The following CRABP1 variants were observed in gnomAD, a reference collection of about 807,000 sequenced individuals.
CRABP1 encodes the protein cellular retinoic acid-binding protein 1.
Under a neutral mutation model 16.4 loss-of-function variants are expected in CRABP1, and 9 were observed. That is an observed-to-expected ratio of 0.55 (90% CI 0.33 to 0.96). The LOEUF (loss-of-function observed/expected upper bound fraction) is 0.96, where lower values mean the gene tolerates loss of function less well. CRABP1 is among the 40% of genes least tolerant of loss of function. The probability of loss-of-function intolerance (pLI) is 0.03; values close to 1 mark genes in which losing one functional copy is unlikely to be tolerated. For synonymous variants in CRABP1, 72 were observed against 70.4 expected (o/e 1.02, Z -0.11); for missense variants, 157 against 186.0 (o/e 0.84, Z 0.91).
intron 3 of CRABP1, among the ~76,000 whole-genome samples, chr15:78,346,997 T>TG (rs1002003440): frequency 4.6e-5 from 7 of 151,084 alleles, no homozygotes; most frequent in African/African-American, 1.7e-4. Flanking sequence ...GTTTTTGTTT[T>TG]TTTTTTTTTT....
chr15:78,341,033 C>T lies in CRABP1; in HGVS notation c.71-10C>T, dbSNP rs1241097962. On this transcript the variant is annotated splice_polypyrimidine_tract_variant and intron_variant, in intron 1 of 3. Coordinates refer to ENST00000299529, the MANE Select transcript of CRABP1 (RefSeq NM_004378.3). This position sits in a 1 kb window ranked among gnomAD's most constrained non-coding sequence, Gnocchi z 5.3. ...CCCCGTGACCCAAGCCTGTGGTGCA[C>T]CCTGCGCAGGTGTGAACGCCATGCT... 7.5e-6 allele frequency: 12 copies of T among 1,603,398 alleles called. No homozygotes were observed. The highest frequency in any genetic ancestry group is 9.3e-6 in the Non-Finnish European group (11 of 1,178,118).
chr15:78,340,722 G>A (rs2050228206), intron 1 of CRABP1: 5 of 611,186 alleles, frequency 8.2e-6, no homozygotes, highest in Non-Finnish European at 5.7e-6. Context: ...AATGTTTGGC[G>A]CCCTCCTCGA....
chr15:78,348,068 TC>T lies in CRABP1; in HGVS notation c.*95del. The stretch of plus-strand genomic sequence containing the variant: ...CTGAGCTGCCAGTGGACCGCCCTTT[TC>T]CCCTACCAATATTAGGTGATCCCGT... On this transcript the variant is annotated 3_prime_UTR_variant, in exon 4 of 4. Coordinates refer to ENST00000299529, the MANE Select transcript of CRABP1 (RefSeq NM_004378.3). The T allele has an allele frequency of 1.6e-6, 2 of 1,229,576 alleles. No individual in the cohort carries two copies. The highest frequency in any genetic ancestry group is 2.3e-5 in the East Asian group (1 of 42,910). 76.2% of individuals were successfully genotyped at this position (1,229,576 alleles called of 1,614,324 possible). A position where few individuals can be genotyped will look rare whatever the true frequency, so the allele number is the denominator to read the frequency against.
Position 78,343,615 on chromosome 15 carries a change from A to T in CRABP1, c.363+3A>T. The T allele has an allele frequency of 6.2e-7, 1 of 1,613,496 alleles. No individual in the cohort carries two copies. Among genetic ancestry groups the T allele is most frequent in the Non-Finnish European group, 8.5e-7 (1 of 1,179,496 alleles). On this transcript the variant is annotated splice_donor_region_variant and intron_variant, in intron 3 of 3. Coordinates refer to ENST00000299529, the MANE Select transcript of CRABP1 (RefSeq NM_004378.3). Reference sequence around the variant, plus strand: ...TGGCCAACGATGAACTTATCCTGGTAGGGAACCCTTGACCCTGAAATAATC... The same window carrying T: ...TGGCCAACGATGAACTTATCCTGGTTGGGAACCCTTGACCCTGAAATAATC...
Position 78,347,989 on chromosome 15 carries a change from T to A in CRABP1, c.*12T>A, listed in dbSNP as rs573502054. On this transcript the variant is annotated 3_prime_UTR_variant, in exon 4 of 4. Coordinates refer to ENST00000299529, the MANE Select transcript of CRABP1 (RefSeq NM_004378.3). The stretch of plus-strand genomic sequence containing the variant: ...ATGTCCGAGAGTGAAGGCAGCTGGC[T>A]TGCTCCTACTTTCAGGAAGGGATGC... 6.2e-6 allele frequency: 10 copies of A among 1,613,830 alleles called. No homozygotes were observed. The East Asian group carries it at 2.0e-4, about 32-fold the overall frequency.
At chr15:78,343,052 T>G (rs1277292152) in intron 2 of CRABP1, among the ~76,000 whole-genome samples, 1 of 151,714 alleles carries the variant, frequency 6.6e-6, no homozygotes, top group Non-Finnish European at 1.5e-5. Flanking sequence ...GAGGTGGAGG[T>G]TGTAAGGAGC....
At chr15:78,344,184 G>C (rs2050251774) in intron 3 of CRABP1, among the ~76,000 whole-genome samples, 2 of 152,124 alleles carry the variant, frequency 1.3e-5, no homozygotes, top group Admixed American at 1.3e-4. Context: ...AAAAAGATAG[G>C]CTTTTCCTTA....
chr15:78,340,606 A>T, intron 1 of CRABP1, 108 bp downstream of exon 1: 1 of 1,276,200 alleles, frequency 7.8e-7, no homozygotes, highest in Non-Finnish European at 1.1e-6. Flanking sequence ...GAGCCCAGGC[A>T]GGAGGGAGTC....
intron 1 of CRABP1, chr15:78,340,794 A>T: frequency 1.7e-6 from 1 of 602,808 alleles, no homozygotes; most frequent in Non-Finnish European, 2.9e-6. Context: ...AGCAAGGAGG[A>T]TCAGGGACTT....
chr15:78,340,368 A>G lies in CRABP1; in HGVS notation c.-61A>G. 6.5e-7 allele frequency: 1 copy of G among 1,543,080 alleles called. No homozygotes were observed. The highest frequency in any genetic ancestry group is 1.2e-5 in the South Asian group (1 of 83,854). On this transcript the variant is annotated 5_prime_UTR_variant, in exon 1 of 4. Transcript: ENST00000299529. ...GCAAAGCGCCAGTCTCCGCCTTGCGAGCTCAGAGTGTGCCCGCTGCGCCGC... is the reference window on the plus strand; with the variant it reads ...GCAAAGCGCCAGTCTCCGCCTTGCGGGCTCAGAGTGTGCCCGCTGCGCCGC...
chr15:78,341,198 A>G lies in CRABP1; in HGVS notation c.226A>G (p.Thr76Ala). ...FKVGEGFEEE[T>A]VDGRKCRSLA... is the part of the protein sequence containing the mutation. ...GGTCGGAGAAGGCTTTGAGGAGGAG[A>G]CCGTGGACGGACGCAAGTGCAGGGT... The change falls in exon 2 of 4, where the codon ACC becomes GCC. Residue 76 changes from threonine to alanine, a missense_variant. Thr to Ala is a moderately conservative substitution (Grantham distance 58). Coordinates refer to ENST00000299529, the MANE Select transcript of CRABP1 (RefSeq NM_004378.3). The surrounding 1 kb of genome is among the most constrained non-coding windows in gnomAD (Gnocchi z 5.3). 6.2e-7 allele frequency: 1 copy of G among 1,611,610 alleles called. No homozygotes were observed. The highest frequency in any genetic ancestry group is 8.5e-7 in the Non-Finnish European group (1 of 1,179,098).
intron 3 of CRABP1, chr15:78,347,685 G>T (rs2050274125): frequency 9.7e-6 from 4 of 413,176 alleles, no homozygotes; most frequent in Non-Finnish European, 1.7e-5. Flanking sequence ...CATTTTACAG[G>T]TTCCATAAGC....
At position 78,343,598 on chromosome 15, in the gene CRABP1, G is replaced by A. The variant is rs771972939; in HGVS notation, c.349G>A (p.Asp117Asn). The A allele has an allele frequency of 3.3e-5, 53 of 1,613,966 alleles. No individual in the cohort carries two copies. Among genetic ancestry groups the A allele is most frequent in the Non-Finnish European group, 4.1e-5 (48 of 1,179,976 alleles). The change falls in exon 3 of 4, where the codon GAT (aspartate) becomes AAT (asparagine). Residue 117 changes from aspartate to asparagine, a missense_variant. Transcript: ENST00000299529. Reference sequence around the variant, plus strand: ...CTACTGGACCCGTGAGCTGGCCAACGATGAACTTATCCTGGTAGGGAACCC... The same window carrying A: ...CTACTGGACCCGTGAGCTGGCCAACAATGAACTTATCCTGGTAGGGAACCC... ...KTYWTRELANDELILTFGADD... is the reference protein window; with the variant it reads ...KTYWTRELANNELILTFGADD...
intron 3 of CRABP1, among the ~76,000 whole-genome samples, chr15:78,344,766 A>C (rs1218750116): frequency 6.8e-6 from 1 of 147,130 alleles, no homozygotes; most frequent in Admixed American, 6.6e-5. Flanking sequence ...AAAAAAAAAA[A>C]ATTAGCTGAG....
In CRABP1 at chr15:78,341,366, T is replaced by G. The variant is rs769492426; in HGVS notation, c.249+145T>G. The stretch of plus-strand genomic sequence containing the variant: ...GTACACTGGCTGTTTGCAGAGGGGG[T>G]TTGTGCATCCTAGTTGCCCCTGGCT... On this transcript the variant is annotated intron_variant, in intron 2 of 3. Transcript: ENST00000299529. The surrounding 1 kb of genome is among the most constrained non-coding windows in gnomAD (Gnocchi z 5.3). The G allele has an allele frequency of 1.1e-5, 10 of 900,768 alleles. No individual in the cohort carries two copies. In the African/African-American group the frequency reaches 1.5e-4, roughly 13 times the overall value. The allele number at this position is 900,768 out of a possible 1,614,324, so 55.8% of individuals were successfully genotyped here.
In CRABP1 at chr15:78,343,561, C is replaced by T. The variant is rs146438158; in HGVS notation, c.312C>T (p.Asp104=). The part of the protein sequence containing the change: ...IHCTQTLLEG[D]GPKTYWTREL... ...GCACGCAAACTCTTCTTGAAGGGGA[C>T]GGCCCCAAAACCTACTGGACCCGTG... Residue 104 remains aspartate (D), a synonymous_variant, in exon 3 of 4, where the codon GAC becomes GAT. Coordinates refer to ENST00000299529, the MANE Select transcript of CRABP1 (RefSeq NM_004378.3). 141 of 1,614,016 alleles carry T rather than the reference C, an allele frequency of 8.7e-5. No individual in the cohort carries two copies. Among genetic ancestry groups the T allele is most frequent in the Admixed American group, 1.3e-4 (8 of 59,996 alleles).
chr15:78,342,765 A>G (rs1434580451), intron 2 of CRABP1, among the ~76,000 whole-genome samples: 1 of 152,186 alleles, frequency 6.6e-6, no homozygotes, highest in African/African-American at 2.4e-5. Flanking sequence ...GGACGTTCCT[A>G]TCCCAAAATC....
chr15:78,343,824 G>C (rs1423701194), intron 3 of CRABP1, among the ~76,000 whole-genome samples: 1 of 152,208 alleles, frequency 6.6e-6, no homozygotes, highest in Non-Finnish European at 1.5e-5. Flanking sequence ...TCAGAGGATG[G>C]AATAGGGGCT....
chr15:78,344,761 A>G (rs2050256241), intron 3 of CRABP1, among the ~76,000 whole-genome samples: 1 of 151,328 alleles, frequency 6.6e-6, no homozygotes, highest in African/African-American at 2.4e-5. Context: ...AAAAAAAAAA[A>G]AAAAAATTAG....
Sources: allele counts gnomAD v4.1 joint callset (sites outside exome capture counted in the v4.1 genomes callset), GRCh38; gene constraint gnomAD v4.1.1; non-coding constraint Gnocchi (gnomAD v3.1); transcripts MANE v1.5; gene names NCBI Gene and HGNC (gene_info 2026-07-23, HGNC 2026-07-21).